DYNLT2: variants seen among roughly 807,000 people sequenced by gnomAD.
DYNLT2 encodes dynein light chain Tctex-type 2.
DYNLT2 carries 24 observed loss-of-function variants against 24.3 expected under a neutral mutation model. The ratio of observed to expected loss-of-function variants is 0.99; its 90% CI spans 0.71 to 1.39. The LOEUF is 1.39. DYNLT2 is among the 40% of genes most tolerant of loss of function. DYNLT2 has a pLI of 0.00. For synonymous variants in DYNLT2, 85 were observed against 85.4 expected (o/e 1.00, Z 0.03); for missense variants, 246 against 234.5 (o/e 1.05, Z -0.32).
At chr6:169,725,651 AAAAC>A in the DYNLT2 span, 7 of 214,638 alleles carry the variant, frequency 3.3e-5, no homozygotes, top group Non-Finnish European at 6.4e-5. Flanking sequence ...TTTAAGAAAA[AAAAC>A]AAAAACAAAA....
chr6:169,734,258 A>G, the DYNLT2 span, among the ~76,000 whole-genome samples: 2 of 152,144 alleles, frequency 1.3e-5, no homozygotes, highest in African/African-American at 4.8e-5. Context: ...CTCTGCCCCT[A>G]TTTGAATACC....
Position 169,749,212 on chromosome 6 carries a change from G to C in DYNLT2, c.120+2127C>G, listed in dbSNP as rs1296098478. 3.3e-5 allele frequency among the ~76,000 whole-genome samples: 5 copies of C among 152,098 alleles called. No homozygotes were observed. In the East Asian group the frequency reaches 9.6e-4, roughly 29 times the overall value. ...CCTCCCGGGTTCAAGCAATTCTCGT[G>C]CCTCAGCCTCCCTGAGTAGCTGGGA... is the stretch of plus-strand genomic sequence containing the variant. On this transcript the variant is annotated intron_variant, in intron 1 of 3. Coordinates refer to ENST00000366774, the MANE Select transcript of DYNLT2 (RefSeq NM_174910.3).
chr6:169,725,555 A>T, the DYNLT2 span: 4 of 384,010 alleles, frequency 1.0e-5, no homozygotes, highest in African/African-American at 8.3e-5. Context: ...CTTCCGCCGC[A>T]CTTCTTGTCT....
chr6:169,748,618 T>C (rs949708616), intron 1 of DYNLT2, among the ~76,000 whole-genome samples: 2 of 152,188 alleles, frequency 1.3e-5, no homozygotes, highest in African/African-American at 4.8e-5. Context: ...TCCCTAAACC[T>C]CTTAAAAACA....
intron 1 of DYNLT2, among the ~76,000 whole-genome samples, chr6:169,746,654 ACT>A (rs1044116593): frequency 2.6e-5 from 4 of 151,672 alleles, no homozygotes; most frequent in African/African-American, 4.8e-5. Context: ...TCTGCTGCTC[ACT>A]CTGTGTGTTT....
rs547743198 is a variant in DYNLT2 at position 169,751,370 on chromosome 6, T to G, written c.89A>C (p.Glu30Ala). Residue 30 changes from glutamate to alanine, a missense_variant, in exon 1 of 4, where the codon GAA (glutamate) becomes GCA (alanine). By Grantham distance (107) the Glu-to-Ala change is moderately radical (BLOSUM62 -1). Transcript: ENST00000366774. ...PQQAPVTPRKERRPSMFEKEA... is the reference protein window; with the variant it reads ...PQQAPVTPRKARRPSMFEKEA... ...CTTCTCGAACATGCTAGGCCTCCTT[T>G]CTTTCCTAGGCGTCACCGGAGCCTG... 35 of 1,614,090 alleles carry G rather than the reference T, an allele frequency of 2.2e-5. 1 individual carries two copies. In the South Asian group the frequency reaches 3.7e-4, roughly 17 times the overall value.
At chr6:169,733,154 T>C in the DYNLT2 span, among the ~76,000 whole-genome samples, 1 of 152,086 alleles carries the variant, frequency 6.6e-6, no homozygotes, top group Non-Finnish European at 1.5e-5. Context: ...CTTGTAAATA[T>C]GTTTAAGTAC....
At chr6:169,743,338 G>A (rs1401704998) in intron 2 of DYNLT2, 100 bp from the exon 3 acceptor site, 3 of 529,732 alleles carry the variant, frequency 5.7e-6, no homozygotes, top group African/African-American at 4.0e-5. Flanking sequence ...ATATATAACT[G>A]TTTTAAAATA....
At position 169,744,241 on chromosome 6, in the gene DYNLT2, ACTCT is replaced by A. The variant is rs747343337; in HGVS notation, c.150_153del (p.Arg50SerfsTer20). On this transcript the variant is annotated frameshift_variant, in exon 2 of 4. Coordinates refer to ENST00000366774, the MANE Select transcript of DYNLT2 (RefSeq NM_174910.3). LOFTEE classifies it high-confidence loss of function. ...TCCACATACTGAACATTGTGAATTGACTCTCTCAGTCTTTCTCTTAAAATCTGTG... is the reference window on the plus strand; with the variant it reads ...TCCACATACTGAACATTGTGAATTGACTCAGTCTTTCTCTTAAAATCTGTG... 3.1e-5 allele frequency: 50 copies of A among 1,613,504 alleles called. No homozygotes were observed. The Admixed American group carries it at 6.7e-4, about 22-fold the overall frequency.
At position 169,740,259 on chromosome 6, in the gene DYNLT2, T is replaced by A. The variant is rs1789648517; in HGVS notation, c.523A>T (p.Ser175Cys). The change falls in exon 4 of 4, where the codon AGC becomes TGC. Residue 175 changes from serine to cysteine, a missense_variant. Coordinates refer to ENST00000366774, the MANE Select transcript of DYNLT2 (RefSeq NM_174910.3). The part of the protein sequence containing the change: ...SRWIWDIAWD[S>C]WVAAKHEAES... Reference sequence around the variant, plus strand: ...GCTTCGTGTTTAGCTGCGACCCAGCTGTCCCATGCAATGTCCCAGATCCAT... The same window carrying A: ...GCTTCGTGTTTAGCTGCGACCCAGCAGTCCCATGCAATGTCCCAGATCCAT... 6.2e-7 allele frequency: 1 copy of A among 1,614,162 alleles called. No individual in the cohort carries two copies. The highest frequency in any genetic ancestry group is 8.5e-7 in the Non-Finnish European group (1 of 1,180,002).
At chr6:169,745,630 G>A (rs991807951) in intron 1 of DYNLT2, among the ~76,000 whole-genome samples, 1 of 152,048 alleles carries the variant, frequency 6.6e-6, no homozygotes. Context: ...ATTTCACTTG[G>A]CCTCGGTGTC....
intron 1 of DYNLT2, among the ~76,000 whole-genome samples, chr6:169,747,965 C>T (rs916137470): frequency 2.0e-5 from 3 of 152,200 alleles, no homozygotes; most frequent in Non-Finnish European, 4.4e-5. Context: ...GCTTCTCAAC[C>T]TTGATAAGCC....
At chr6:169,725,840 C>T in the DYNLT2 span, 5 of 152,326 alleles carry the variant, frequency 3.3e-5, no homozygotes, top group South Asian at 1.0e-3. Context: ...GCACAAAGGC[C>T]ACAAAACTAC....
chr6:169,746,772 T>C (rs1789811036), intron 1 of DYNLT2, among the ~76,000 whole-genome samples: 1 of 152,070 alleles, frequency 6.6e-6, no homozygotes, highest in Admixed American at 6.5e-5. Flanking sequence ...TGGTAATGTA[T>C]TAACGGAGAG....
chr6:169,733,109 C>G, the DYNLT2 span, among the ~76,000 whole-genome samples: 1 of 150,938 alleles, frequency 6.6e-6, no homozygotes, highest in Non-Finnish European at 1.5e-5. Context: ...TGTTCATATC[C>G]TTTGCCCACT....
chr6:169,749,120 A>T (rs1212336844), intron 1 of DYNLT2, among the ~76,000 whole-genome samples: 4 of 151,964 alleles, frequency 2.6e-5, no homozygotes, highest in African/African-American at 9.7e-5. Flanking sequence ...CTTTTCTGAG[A>T]CAAGAGTCTC....
chr6:169,751,515 C>T lies in DYNLT2; in HGVS notation c.-57G>A. On this transcript the variant is annotated 5_prime_UTR_variant, in exon 1 of 4. Transcript: ENST00000366774. ...CCCCTTCACCGCCGGCGGTCAAACG[C>T]CCTAGCCAGTCCCGCGAGGGCGGAA... 4 of 1,611,202 alleles carry T rather than the reference C, an allele frequency of 2.5e-6. No homozygotes were observed. Among genetic ancestry groups the T allele is most frequent in the Middle Eastern group, 3.3e-4 (2 of 6,050 alleles).
At chr6:169,730,373 G>T in the DYNLT2 span, among the ~76,000 whole-genome samples, 1 of 152,176 alleles carries the variant, frequency 6.6e-6, no homozygotes, top group Non-Finnish European at 1.5e-5. Context: ...TATATATTCA[G>T]ATAGCATACA....
At chr6:169,738,502 TACTC>T (rs1179012961), downstream of DYNLT2, among the ~76,000 whole-genome samples, 1 of 152,160 alleles carries the variant, frequency 6.6e-6, no homozygotes, top group Non-Finnish European at 1.5e-5. Flanking sequence ...GTAGCACTCT[TACTC>T]ACCACCTCCC....
Sources: gnomAD v4.1 joint callset for allele counts (sites outside exome capture counted in the v4.1 genomes callset) on GRCh38, gnomAD v4.1.1 for gene constraint, MANE v1.5 for transcripts, NCBI Gene and HGNC (gene_info 2026-07-23, HGNC 2026-07-21) for gene names.